OR51B5: variants seen among roughly 807,000 people sequenced by gnomAD.
OR51B5 encodes olfactory receptor 51B5.
For missense variants in OR51B5, 456 were observed against 374.6 expected, an observed-to-expected ratio of 1.22 and a Z score of -1.79; for synonymous variants, 186 against 144.8, an observed-to-expected ratio of 1.28 and a Z score of -2.04.
At chr11:5,399,794 A>T (rs1849939884) in intron 1 of OR51B5, among the ~76,000 whole-genome samples, 1 of 152,054 alleles carries the variant, frequency 6.6e-6, no homozygotes, top group African/African-American at 2.4e-5. Context: ...GAAAGAAAAA[A>T]AAAGGAAGAA....
At chr11:5,378,377 T>A (rs970162708) in intron 1 of OR51B5, among the ~76,000 whole-genome samples, 1 of 152,116 alleles carries the variant, frequency 6.6e-6, no homozygotes, top group East Asian at 1.9e-4. Context: ...AACGCAGGCA[T>A]TACCATTCAG....
At chr11:5,344,404 CAAG>C (rs1848957911), upstream of OR51B5, among the ~76,000 whole-genome samples, 1 of 152,080 alleles carries the variant, frequency 6.6e-6, no homozygotes, top group Admixed American at 6.6e-5. Context: ...TCTCTCATTT[CAAG>C]TTCTCCATTT....
intron 1 of OR51B5, chr11:5,355,476 G>C (rs1254158716): frequency 1.3e-5 from 2 of 152,726 alleles, no homozygotes; most frequent in African/African-American, 4.8e-5. Context: ...TGTCCTCATG[G>C]CCTAGGGAGC....
chr11:5,378,162 C>G (rs1257570966), intron 1 of OR51B5, among the ~76,000 whole-genome samples: 2 of 151,710 alleles, frequency 1.3e-5, no homozygotes, highest in African/African-American at 4.9e-5. Flanking sequence ...CGACGCATAT[C>G]TACAACTATC....
intron 1 of OR51B5, among the ~76,000 whole-genome samples, chr11:5,483,988 C>G (rs1851464870): frequency 6.6e-6 from 1 of 152,162 alleles, no homozygotes; most frequent in South Asian, 2.1e-4. Flanking sequence ...CTAAACAAAA[C>G]TTTGCATCCA....
At chr11:5,403,484 T>C (rs1344461740) in intron 1 of OR51B5, 1 of 471,754 alleles carries the variant, frequency 2.1e-6, no homozygotes, top group African/African-American at 2.0e-5. Flanking sequence ...TCTACAGCAT[T>C]AAGACCAAGG....
chr11:5,454,207 CAT>C, intron 1 of OR51B5: 1 of 1,614,186 alleles, frequency 6.2e-7, no homozygotes, highest in Non-Finnish European at 8.5e-7. Flanking sequence ...GCTCTCAACA[CAT>C]GTGTGTCACA....
At position 5,390,176 on chromosome 11, in the gene OR51B5, G is replaced by C. The variant is rs774673987; in HGVS notation, n.85-43266C>G. Reference sequence around the variant, plus strand: ...GACATGCACCGCTCCTCTCTGTGCTGTGCTAGTATTCTTTGTGCCCATGAT... The same window carrying C: ...GACATGCACCGCTCCTCTCTGTGCTCTGCTAGTATTCTTTGTGCCCATGAT... On this transcript the variant is annotated intron_variant and non_coding_transcript_variant, in intron 1 of 4. Transcript: ENST00000415970. 5.0e-6 allele frequency: 8 copies of C among 1,613,888 alleles called. No homozygotes were observed. Among genetic ancestry groups the C allele is most frequent in the South Asian group, 1.1e-5 (1 of 91,090 alleles).
chr11:5,440,777 G>A, intron 1 of OR51B5: 3 of 1,613,952 alleles, frequency 1.9e-6, no homozygotes, highest in South Asian at 1.1e-5. Context: ...CTGCACAGAT[G>A]TGTGACATGC....
At chr11:5,403,598 TA>T in intron 1 of OR51B5, 1 of 440,020 alleles carries the variant, frequency 2.3e-6, no homozygotes, top group South Asian at 1.7e-5. Context: ...TTGCTCTCTA[TA>T]ATAACAGGTG....
downstream of OR51B5, chr11:5,340,770 C>A (rs1185746615): frequency 3.3e-5 from 5 of 152,096 alleles, no homozygotes; most frequent in African/African-American, 1.2e-4. Context: ...AAATGTTATG[C>A]CCTTGGAGGG....
chr11:5,359,599 C>A (rs1281566860), intron 1 of OR51B5, among the ~76,000 whole-genome samples: 1 of 145,882 alleles, frequency 6.9e-6, no homozygotes, highest in Non-Finnish European at 1.5e-5. Context: ...ATGCCATCCC[C>A]ATCAAGCTAC....
chr11:5,475,130 A>G (rs1051540541), intron 1 of OR51B5, among the ~76,000 whole-genome samples: 1 of 152,112 alleles, frequency 6.6e-6, no homozygotes, highest in Non-Finnish European at 1.5e-5. Flanking sequence ...CTAGACCCAA[A>G]TATCAACATT....
intron 1 of OR51B5, among the ~76,000 whole-genome samples, chr11:5,356,626 C>T (rs1225324938): frequency 1.5e-4 from 20 of 131,130 alleles, no homozygotes; most frequent in Admixed American, 3.1e-4. Context: ...ATACAGAGAA[C>T]GCCACAAAGA....
Position 5,384,233 on chromosome 11 carries a change from G to A in OR51B5, n.85-37323C>T, listed in dbSNP as rs548703546. ...TCTGTTACCCAGGCTACAGTGCAGT[G>A]GTGTAATCATAGCTCACTGTAAACT... is the stretch of plus-strand genomic sequence containing the variant. On this transcript the variant is annotated intron_variant and non_coding_transcript_variant, in intron 1 of 4. Transcript: ENST00000415970. Among the ~76,000 whole-genome samples, 5 of 152,184 alleles carry A rather than the reference G, an allele frequency of 3.3e-5. No homozygotes were observed. The South Asian group carries it at 1.0e-3, about 32-fold the overall frequency.
chr11:5,342,865 G>C (rs1441018677), exon 1 of OR51B5: 8 of 1,612,892 alleles, frequency 5.0e-6, no homozygotes, highest in South Asian at 3.3e-5. Context: ...GGACAGTCTT[G>C]AGTATCAACA....
chr11:5,347,349 A>G (rs1336690126), upstream of OR51B5, among the ~76,000 whole-genome samples: 1 of 152,206 alleles, frequency 6.6e-6, no homozygotes, highest in East Asian at 1.9e-4. Flanking sequence ...TAGATAGACT[A>G]GAGTCAATAT....
rs562080465 is a variant in OR51B5 at position 5,352,325 on chromosome 11, C to T, written n.85-5415G>A. ...CATGTTCCTCATGTCGTTCACATCACAATGAGCTACATCCACTTCCTTTTC... is the reference window on the plus strand; with the variant it reads ...CATGTTCCTCATGTCGTTCACATCATAATGAGCTACATCCACTTCCTTTTC... On this transcript the variant is annotated intron_variant and non_coding_transcript_variant, in intron 1 of 4. Transcript: ENST00000415970. 4.3e-6 allele frequency: 7 copies of T among 1,613,702 alleles called. No individual in the cohort carries two copies. The South Asian group carries it at 6.6e-5, about 15-fold the overall frequency.
chr11:5,418,098 C>G (rs1406441735), intron 1 of OR51B5, among the ~76,000 whole-genome samples: 1 of 150,942 alleles, frequency 6.6e-6, no homozygotes, highest in Non-Finnish European at 1.5e-5. Flanking sequence ...AGTTCATGTC[C>G]TTTGTAGGGA....
Sources: gnomAD v4.1 joint callset for allele counts (sites outside exome capture counted in the v4.1 genomes callset) on GRCh38, gnomAD v4.1.1 for gene constraint, MANE v1.5 for transcripts, NCBI Gene and HGNC (gene_info 2026-07-23, HGNC 2026-07-21) for gene names.